Variants in RAD51B observed in about 807,000 individuals in gnomAD.
The protein encoded by RAD51B is DNA repair protein RAD51 homolog 2.
RAD51B carries 38 observed loss-of-function variants against 42.2 expected under a neutral mutation model. The ratio of observed to expected loss-of-function variants is 0.90; its 90% confidence interval spans 0.70 to 1.18. The LOEUF (loss-of-function observed/expected upper bound fraction) is 1.18. Ranked by LOEUF, RAD51B falls within the 50% of genes most tolerant of loss-of-function variation. RAD51B has a pLI of 0.00. For synonymous variants in RAD51B, 154 were observed against 145.2 expected, an observed-to-expected ratio of 1.06 and a Z score of -0.43; for missense variants, 373 against 400.7, an observed-to-expected ratio of 0.93 and a Z score of 0.59.
intron 9 of RAD51B, among the ~76,000 whole-genome samples, 174 bp from the exon 10 acceptor site, chr14:68,467,998 T>G (rs889141222): frequency 5.3e-5 from 8 of 152,182 alleles, no homozygotes; most frequent in African/African-American, 1.4e-4. Context: ...GTGACCACTT[T>G]GAAAGGATAA....
At chr14:68,153,627 A>G (rs1372185508) in intron 7 of RAD51B, among the ~76,000 whole-genome samples, 1 of 152,118 alleles carries the variant, frequency 6.6e-6, no homozygotes, top group African/African-American at 2.4e-5. Context: ...TTGGCCATAT[A>G]TATGTCTTTT....
intron 7 of RAD51B, among the ~76,000 whole-genome samples, chr14:68,033,370 T>G (rs761707879): frequency 6.6e-6 from 1 of 152,252 alleles, no homozygotes; most frequent in Non-Finnish European, 1.5e-5. Flanking sequence ...TTCCCTAATT[T>G]TAAAATCTCT....
chr14:68,148,666 T>C (rs1223710065), intron 7 of RAD51B, among the ~76,000 whole-genome samples: 1 of 152,212 alleles, frequency 6.6e-6, no homozygotes, highest in Non-Finnish European at 1.5e-5. Context: ...TACTCTCTCG[T>C]GATACTGTGC....
At chr14:68,484,357 T>A (rs1883440388) in intron 10 of RAD51B, among the ~76,000 whole-genome samples, 1 of 114,684 alleles carries the variant, frequency 8.7e-6, no homozygotes, top group Admixed American at 7.7e-5. Flanking sequence ...TTCTTTCTTT[T>A]TCTTTTTTTT....
intron 4 of RAD51B, among the ~76,000 whole-genome samples, chr14:67,851,544 T>C (rs1191428115): frequency 6.6e-6 from 1 of 152,026 alleles, no homozygotes; most frequent in African/African-American, 2.4e-5. Flanking sequence ...TCTGGCCACC[T>C]CTCTGAAGGG....
intron 7 of RAD51B, among the ~76,000 whole-genome samples, chr14:68,224,363 A>G (rs575104226): frequency 2.6e-5 from 4 of 152,230 alleles, no homozygotes; most frequent in African/African-American, 9.6e-5. Flanking sequence ...TACTTTGCCA[A>G]TGGCCCATTA....
intron 7 of RAD51B, among the ~76,000 whole-genome samples, chr14:68,121,075 G>A (rs529254927): frequency 6.6e-6 from 1 of 152,274 alleles, no homozygotes; most frequent in Admixed American, 6.5e-5. Flanking sequence ...AGGGAAGTTA[G>A]TGTCCCTGAG....
chr14:68,040,153 T>C (rs1298829743), intron 7 of RAD51B, among the ~76,000 whole-genome samples: 10 of 152,232 alleles, frequency 6.6e-5, no homozygotes, highest in African/African-American at 2.4e-4. Flanking sequence ...TATCATTTGA[T>C]TAAAGTATAG....
chr14:68,345,068 A>AT (rs543074399), intron 8 of RAD51B, among the ~76,000 whole-genome samples: 35 of 152,278 alleles, frequency 2.3e-4, no homozygotes, highest in African/African-American at 7.9e-4. Flanking sequence ...TATTTACCCA[A>AT]TGCCCATATT....
chr14:68,242,096 C>G (rs1014760212), intron 7 of RAD51B, among the ~76,000 whole-genome samples: 1 of 152,234 alleles, frequency 6.6e-6, no homozygotes, highest in Non-Finnish European at 1.5e-5. Context: ...CTACTCCACA[C>G]TACCCTTTCC....
intron 10 of RAD51B, among the ~76,000 whole-genome samples, chr14:68,516,077 G>A (rs978430813): frequency 8.5e-5 from 13 of 152,094 alleles, no homozygotes; most frequent in Admixed American, 4.6e-4. Flanking sequence ...GAGCCACCAC[G>A]CCCTGCCCGG....
chr14:68,613,771 T>C (rs1026007868), downstream of RAD51B, among the ~76,000 whole-genome samples: 2 of 152,196 alleles, frequency 1.3e-5, no homozygotes, highest in East Asian at 1.9e-4. Context: ...GTTCCTTAAA[T>C]GGCTAAGAGC....
intron 7 of RAD51B, among the ~76,000 whole-genome samples, chr14:68,024,469 A>C (rs1473127955): frequency 6.6e-6 from 1 of 152,206 alleles, no homozygotes; most frequent in African/African-American, 2.4e-5. Context: ...ATTCATGATC[A>C]TGGAATAATG....
chr14:68,456,191 C>G (rs1308306684), intron 9 of RAD51B, among the ~76,000 whole-genome samples: 2 of 152,158 alleles, frequency 1.3e-5, no homozygotes, highest in Non-Finnish European at 2.9e-5. Flanking sequence ...GAAATACACA[C>G]AGAAAACAAA....
chr14:67,862,348 A>G (rs886627425), intron 4 of RAD51B, among the ~76,000 whole-genome samples: 28 of 152,134 alleles, frequency 1.8e-4, no homozygotes, highest in Admixed American at 1.7e-3. Flanking sequence ...AAATTCATCA[A>G]ACTGCTCAGA....
At chr14:68,350,065 C>G (rs2082753890) in intron 8 of RAD51B, among the ~76,000 whole-genome samples, 1 of 152,156 alleles carries the variant, frequency 6.6e-6, no homozygotes, top group Non-Finnish European at 1.5e-5. Flanking sequence ...TCAGCTGCAG[C>G]TTTTAGCTTC....
In RAD51B at chr14:67,916,317, T is replaced by C. The variant is rs1409978873; in HGVS notation, c.756+29113T>C. 5.3e-5 allele frequency among the ~76,000 whole-genome samples: 8 copies of C among 152,296 alleles called. No individual in the cohort carries two copies. In the East Asian group the frequency reaches 1.5e-3, roughly 29 times the overall value. On this transcript the variant is annotated intron_variant, in intron 7 of 10. Transcript: ENST00000471583. ...TTTTTTTTTGAGACTGGTCTCACTTTGTCGCTCAGGTTGGAGTGTAGTGGA... is the reference window on the plus strand; with the variant it reads ...TTTTTTTTTGAGACTGGTCTCACTTCGTCGCTCAGGTTGGAGTGTAGTGGA...
At chr14:68,344,229 T>G (rs1823128465) in intron 8 of RAD51B, among the ~76,000 whole-genome samples, 1 of 152,118 alleles carries the variant, frequency 6.6e-6, no homozygotes, top group South Asian at 2.1e-4. Context: ...GACACTCAAC[T>G]CCAACCCATG....
At chr14:68,662,585 T>G (rs894459405) in intron 11 of RAD51B, among the ~76,000 whole-genome samples, 2 of 152,332 alleles carry the variant, frequency 1.3e-5, no homozygotes, top group Non-Finnish European at 1.5e-5. Context: ...TGACACTGTC[T>G]CCAGCCCTCC....
Sources: allele counts gnomAD v4.1 joint callset (sites outside exome capture counted in the v4.1 genomes callset), GRCh38; gene constraint gnomAD v4.1.1; transcripts MANE v1.5; gene names NCBI Gene and HGNC (gene_info 2026-07-23, HGNC 2026-07-21).